CCDC88C: variants seen among roughly 807,000 people sequenced by gnomAD.
CCDC88C encodes the protein protein Daple.
CCDC88C carries 131 observed loss-of-function variants against 198.8 expected under a neutral mutation model. The observed-to-expected ratio is 0.66, with a 90% CI of 0.57 to 0.76. CCDC88C has a LOEUF of 0.76. CCDC88C is among the 30% of genes least tolerant of loss of function. The pLI, the probability that CCDC88C is intolerant of heterozygous loss-of-function variation, is 0.00. For synonymous variants in CCDC88C, 1,166 were observed against 1,114.7 expected (o/e 1.05, Z -0.92); for missense variants, 2,553 against 2,631.6 (o/e 0.97, Z 0.65).
chr14:91,410,387 T>C (rs992093179), intron 2 of CCDC88C, among the ~76,000 whole-genome samples: 3 of 152,062 alleles, frequency 2.0e-5, no homozygotes, highest in Non-Finnish European at 4.4e-5. Context: ...GTTAAGGAAA[T>C]CAATCTCAAT....
intron 3 of CCDC88C, 89 bp from the exon 4 acceptor site, chr14:91,359,800 G>A (rs927972232): frequency 1.0e-5 from 12 of 1,186,636 alleles, no homozygotes; most frequent in African/African-American, 7.6e-5. Context: ...TGAAGCCCCC[G>A]GACGGGTGCA....
At chr14:91,417,578 G>T in intron 1 of CCDC88C, 53 bp downstream of exon 1, 1 of 1,524,280 alleles carries the variant, frequency 6.6e-7, no homozygotes, top group Non-Finnish European at 8.9e-7. Flanking sequence ...CCGTCGCCGG[G>T]CTAGAGAGAA....
rs1567056045 is a variant in CCDC88C at position 91,293,588 on chromosome 14, G to GCCACGGCCCACCTTCCTGTCCCCTCA, written c.4112+584_4112+585insTGAGGGGACAGGAAGGTGGGCCGTGG. 3.6e-4 allele frequency among the ~76,000 whole-genome samples: 24 copies of GCCACGGCCCACCTTCCTGTCCCCTCA among 67,086 alleles called. 4 individuals carry two copies. The highest frequency in any genetic ancestry group is 6.9e-4 in the Admixed American group (4 of 5,806). 44.0% of individuals were successfully genotyped at this position (67,086 alleles called of 152,430 possible). A position where few individuals can be genotyped will look rare whatever the true frequency, so the allele number is the denominator to read the frequency against. On this transcript the variant is annotated intron_variant, in intron 23 of 29. Transcript: ENST00000389857. ...CCACGGCCCACCTTCCTGTCCCCTCGCCTGCCATGGCCCACCTCCTGTGGG... is the reference window on the plus strand; with the variant it reads ...CCACGGCCCACCTTCCTGTCCCCTCGCCACGGCCCACCTTCCTGTCCCCTCACCTGCCATGGCCCACCTCCTGTGGG...
At position 91,394,880 on chromosome 14, in the gene CCDC88C, G is replaced by A. The variant is rs75696744; in HGVS notation, c.270+13779C>T. ...TCCGGGAGGGGTCCTTGGATAATCCGCTCAGTAACAAATGAACACAGAGTG... is the reference window on the plus strand; with the variant it reads ...TCCGGGAGGGGTCCTTGGATAATCCACTCAGTAACAAATGAACACAGAGTG... On this transcript the variant is annotated intron_variant, in intron 3 of 29. Coordinates refer to ENST00000389857, the MANE Select transcript of CCDC88C (RefSeq NM_001080414.4). 4.8e-3 allele frequency among the ~76,000 whole-genome samples: 729 copies of A among 152,246 alleles called. 1 individual carries two copies. The highest frequency in any genetic ancestry group is 7.8e-3 in the Non-Finnish European group (533 of 68,024).
chr14:91,380,723 G>C (rs879883882), intron 3 of CCDC88C, among the ~76,000 whole-genome samples: 1 of 152,044 alleles, frequency 6.6e-6, no homozygotes, highest in South Asian at 2.1e-4. Context: ...TAAAATGAAG[G>C]CCTCTGTATG....
Position 91,273,039 on chromosome 14 carries a change from T to C in CCDC88C, c.5673A>G (p.Pro1891=). The part of the protein sequence containing the change: ...LDTRRFSLAP[P]KEERLAPLHQ... ...GCAGGGGGGCCAGCCTCTCCTCCTT[T>C]GGGGGAGCCAGGGAGAAGCGCCTCG... Residue 1891 remains proline, a synonymous_variant, in exon 30 of 30, where the codon CCA becomes CCG. Coordinates refer to ENST00000389857, the MANE Select transcript of CCDC88C (RefSeq NM_001080414.4). The surrounding 1 kb of genome is among the most constrained non-coding windows in gnomAD (Gnocchi z 5.6). 2 of 1,555,510 alleles carry C rather than the reference T, an allele frequency of 1.3e-6. No homozygotes were observed. Among genetic ancestry groups the C allele is most frequent in the Non-Finnish European group, 1.7e-6 (2 of 1,153,096 alleles).
intron 2 of CCDC88C, among the ~76,000 whole-genome samples, chr14:91,415,721 C>CA (rs199871521): frequency 0.051 from 5,718 of 111,772 alleles, 215 homozygotes; most frequent in African/African-American, 0.12. Context: ...ACTCCGTCTC[C>CA]AAAAAAAAAA....
intron 6 of CCDC88C, among the ~76,000 whole-genome samples, chr14:91,341,057 C>T (rs1001903544): frequency 6.6e-6 from 1 of 152,146 alleles, no homozygotes; most frequent in Non-Finnish European, 1.5e-5. Flanking sequence ...CAGACAGAAC[C>T]CTGTCAACAA....
In CCDC88C at chr14:91,273,360, C is replaced by G; in HGVS notation, c.5352G>C (p.Gln1784His). ...CATGGGAAGCTGGGGGCACCGGAGC[C>G]TGCCGGGGTCTGCCCAGAGACAGGC... The part of the protein sequence containing the change: ...PQSLSLGRPR[Q>H]APVPPASHAP... The change falls in exon 30 of 30, where the codon CAG becomes CAC. Residue 1784 changes from glutamine (Q) to histidine (H), a missense_variant. Physicochemically the swap from Gln to His is conservative, Grantham distance 24 (BLOSUM62 0). This residue lies in a region of CCDC88C where 1,293 missense variants were observed against 1,219.6 expected (regional missense o/e 1.06). Transcript: ENST00000389857. This position sits in a 1 kb window ranked among gnomAD's most constrained non-coding sequence, Gnocchi z 5.6. The G allele has an allele frequency of 6.5e-7, 1 of 1,530,028 alleles. No homozygotes were observed. The highest frequency in any genetic ancestry group is 8.8e-7 in the Non-Finnish European group (1 of 1,136,956). The allele number at this position is 1,530,028 out of a possible 1,614,324, so 94.8% of individuals were successfully genotyped here. A position where few individuals can be genotyped will look rare whatever the true frequency, so the allele number is the denominator to read the frequency against.
Position 91,283,402 on chromosome 14 carries a change from A to G in CCDC88C, c.4557T>C (p.Thr1519=), listed in dbSNP as rs2139728955. The G allele has an allele frequency of 6.2e-7, 1 of 1,613,790 alleles. No homozygotes were observed. The highest frequency in any genetic ancestry group is 2.2e-5 in the East Asian group (1 of 44,878). Residue 1519 remains threonine, a synonymous_variant, in exon 26 of 30, where the codon ACT becomes ACC. Coordinates refer to ENST00000389857, the MANE Select transcript of CCDC88C (RefSeq NM_001080414.4). ...CTGTAGTGGTGGCTGAAGTTGAGCA[A>G]GTCCGGGAGCCCAGCTCCGAGGGCC... ...RSWPSELGSR[T]CSTSATTTAP...
Position 91,297,463 on chromosome 14 carries a change from C to G in CCDC88C, c.3808G>C (p.Gly1270Arg). 1.3e-6 allele frequency: 2 copies of G among 1,567,520 alleles called. No homozygotes were observed. The highest frequency in any genetic ancestry group is 1.7e-6 in the Non-Finnish European group (2 of 1,155,898). Residue 1270 changes from glycine to arginine, a missense_variant, in exon 22 of 30, where the codon GGG becomes CGG. This residue lies in a region of CCDC88C where 1,293 missense variants were observed against 1,219.6 expected (regional missense o/e 1.06). Transcript: ENST00000389857. ...TGGGCGTGCAGCTCCTCGTACTCCCCCTTCAGCTGGTGGTGCAGGAAATTG... is the reference window on the plus strand; with the variant it reads ...TGGGCGTGCAGCTCCTCGTACTCCCGCTTCAGCTGGTGGTGCAGGAAATTG... ...RVNFLHHQLK[G>R]EYEELHAHTK...
chr14:91,293,740 T>A (rs1323124637), intron 23 of CCDC88C, among the ~76,000 whole-genome samples: 1 of 152,114 alleles, frequency 6.6e-6, no homozygotes, highest in African/African-American at 2.4e-5. Flanking sequence ...CTCCCCCTAC[T>A]GGTTCCTGGC....
intron 19 of CCDC88C, 135 bp downstream of exon 19, chr14:91,305,630 T>A: frequency 1.3e-6 from 1 of 790,798 alleles, no homozygotes; most frequent in Non-Finnish European, 1.9e-6. Flanking sequence ...CGGGTCTCTA[T>A]TAACAAAATC....
rs1161641667 is a variant in CCDC88C, at chr14:91,408,688, A to G, written c.241T>C (p.Leu81=). Residue 81 remains leucine (L), a synonymous_variant, in exon 3 of 30, where the codon TTG becomes CTG. Coordinates refer to ENST00000389857, the MANE Select transcript of CCDC88C (RefSeq NM_001080414.4). ...TAGTAGGTCTTAATGTTTCTCACCAAGATGGTCAAATTCTGAATGCGAAGG... is the reference window on the plus strand; with the variant it reads ...TAGTAGGTCTTAATGTTTCTCACCAGGATGGTCAAATTCTGAATGCGAAGG... ...VNLRIQNLTI[L]VRNIKTYYQE... is the part of the protein sequence containing the mutation. The G allele has an allele frequency of 6.2e-7, 1 of 1,613,298 alleles. No homozygotes were observed. Among genetic ancestry groups the G allele is most frequent in the Non-Finnish European group, 8.5e-7 (1 of 1,179,248 alleles).
Position 91,339,598 on chromosome 14 carries a change from A to G in CCDC88C, c.625-136T>C, listed in dbSNP as rs1466175563. The stretch of plus-strand genomic sequence containing the variant: ...ACTAAGAAACGAGGAGGAAGGTGGG[A>G]AAAGGCTGGCATGGGTTTTGAAAAG... On this transcript the variant is annotated intron_variant, in intron 7 of 29. Coordinates refer to ENST00000389857, the MANE Select transcript of CCDC88C (RefSeq NM_001080414.4). This position sits in a 1 kb window ranked among gnomAD's most constrained non-coding sequence, Gnocchi z 5.8. The G allele has an allele frequency of 1.1e-6, 1 of 929,142 alleles. No individual in the cohort carries two copies. The highest frequency in any genetic ancestry group is 1.7e-5 in the African/African-American group (1 of 59,618). The allele number at this position is 929,142 out of a possible 1,614,324, so 57.6% of individuals were successfully genotyped here. A position where few individuals can be genotyped will look rare whatever the true frequency, so the allele number is the denominator to read the frequency against.
At chr14:91,379,560 G>T in intron 3 of CCDC88C, 1 of 526,366 alleles carries the variant, frequency 1.9e-6, no homozygotes, top group Non-Finnish European at 3.4e-6. Flanking sequence ...CATGTTTACT[G>T]CCTGATTCAG....
At chr14:91,340,893 T>C (rs1893285635) in intron 6 of CCDC88C, among the ~76,000 whole-genome samples, 1 of 152,016 alleles carries the variant, frequency 6.6e-6, no homozygotes. Context: ...TCCCAGCTAC[T>C]TGGGAGGCTG....
intron 25 of CCDC88C, chr14:91,285,308 AC>A (rs1343538665): frequency 2.8e-6 from 1 of 361,846 alleles, no homozygotes; most frequent in African/African-American, 2.1e-5. Flanking sequence ...AAGTGCAGCA[AC>A]CACCCGCCAG....
At chr14:91,323,202 G>A (rs191278915) in intron 12 of CCDC88C, among the ~76,000 whole-genome samples, 7 of 152,142 alleles carry the variant, frequency 4.6e-5, no homozygotes, top group African/African-American at 1.4e-4. Flanking sequence ...CACTTTGCCC[G>A]GCCCAGTGTT....
Sources: allele counts gnomAD v4.1 joint callset (sites outside exome capture counted in the v4.1 genomes callset), GRCh38; gene constraint gnomAD v4.1.1; regional missense constraint gnomAD v4.1.1; non-coding constraint Gnocchi (gnomAD v3.1); transcripts MANE v1.5; gene names NCBI Gene and HGNC (gene_info 2026-07-23, HGNC 2026-07-21).